PLEKHA1: variants seen among roughly 807,000 people sequenced by gnomAD.
PLEKHA1 encodes the protein pleckstrin homology domain-containing family A member 1.
A neutral mutation model predicts 52.0 loss-of-function variants in PLEKHA1; 34 were observed. The ratio of observed to expected loss-of-function variants is 0.65; its 90% confidence interval spans 0.50 to 0.87. PLEKHA1 has a LOEUF of 0.87. Ranked by LOEUF, PLEKHA1 falls within the 40% of genes least tolerant of loss-of-function variation. The probability of loss-of-function intolerance (pLI) is 0.00; values close to 1 mark genes in which losing one functional copy is unlikely to be tolerated. For synonymous variants in PLEKHA1, 163 were observed against 170.7 expected (o/e 0.95, Z 0.35); for missense variants, 497 against 504.2 (o/e 0.99, Z 0.14).
At chr10:122,427,237 A>G (rs2097352488) in intron 11 of PLEKHA1, among the ~76,000 whole-genome samples, 1 of 152,184 alleles carries the variant, frequency 6.6e-6, no homozygotes, top group South Asian at 2.1e-4. Flanking sequence ...TGTGCATTGT[A>G]TTGTGTTAAA....
rs747635669 is a variant in PLEKHA1, at chr10:122,432,101, A to T, written c.*2163A>T. 3.0e-4 allele frequency: 46 copies of T among 152,288 alleles called. No homozygotes were observed. The highest frequency in any genetic ancestry group is 1.9e-3 in the Admixed American group (29 of 15,300). The allele number at this position is 152,288 out of a possible 1,614,324, so 9.4% of individuals were successfully genotyped here. ...CTAATATTTATCTCAATTCTTTTAT[A>T]AGTCTATGGAAATTATTTAATTATT... On this transcript the variant is annotated 3_prime_UTR_variant, in exon 12 of 12. Transcript: ENST00000368990.
chr10:122,382,267 C>T (rs1289759829), intron 1 of PLEKHA1, among the ~76,000 whole-genome samples: 1 of 152,194 alleles, frequency 6.6e-6, no homozygotes, highest in African/African-American at 2.4e-5. Flanking sequence ...ACCCTCCTAT[C>T]CTTAGACAAC....
At chr10:122,436,993 C>CTTTTTTTTTTTTTTTT, downstream of PLEKHA1, 1 of 84,856 alleles carries the variant, frequency 1.2e-5, no homozygotes, top group Non-Finnish European at 2.1e-5. Context: ...TTACATCAGC[C>CTTTTTTTTTTTTTTTT]TTTTTTTTTT....
chr10:122,425,713 CAA>C lies in PLEKHA1; in HGVS notation c.810+775_810+776del, dbSNP rs11367637. On this transcript the variant is annotated intron_variant, in intron 10 of 11. Coordinates refer to ENST00000368990, the MANE Select transcript of PLEKHA1 (RefSeq NM_001001974.4). ...AGCCTGGGTGACAGAGACCCTGTCTCAAAAAAAAAAAAAAAAAAAAAATCAAA... is the reference window on the plus strand; with the variant it reads ...AGCCTGGGTGACAGAGACCCTGTCTCAAAAAAAAAAAAAAAAAAAATCAAA... The C allele has an allele frequency of 9.4e-3, 938 of 99,262 alleles. 6 individuals carry two copies. Among genetic ancestry groups the C allele is most frequent in the African/African-American group, 0.019 (482 of 25,850 alleles). The allele number at this position is 99,262 out of a possible 1,614,324, so 6.1% of individuals were successfully genotyped here.
At position 122,415,949 on chromosome 10, in the gene PLEKHA1, C is replaced by T. The variant is rs1565275664; in HGVS notation, c.559C>T (p.Pro187Ser). The change falls in exon 7 of 12, where the codon CCT (proline) becomes TCT (serine). Residue 187 changes from proline (P) to serine (S), a missense_variant. Pro to Ser is a moderately conservative substitution (Grantham distance 74). Coordinates refer to ENST00000368990, the MANE Select transcript of PLEKHA1 (RefSeq NM_001001974.4). The part of the protein sequence containing the change: ...SHLPYFTPKP[P>S]QDSAVIKAGY... ...TCTTCCTTACTTTACTCCTAAACCACCTCAAGATAGTGCGGTTATCAAAGC... is the reference window on the plus strand; with the variant it reads ...TCTTCCTTACTTTACTCCTAAACCATCTCAAGATAGTGCGGTTATCAAAGC... 3 of 1,613,608 alleles carry T rather than the reference C, an allele frequency of 1.9e-6. No individual in the cohort carries two copies. The highest frequency in any genetic ancestry group is 2.5e-6 in the Non-Finnish European group (3 of 1,179,744).
intron 9 of PLEKHA1, among the ~76,000 whole-genome samples, chr10:122,424,585 G>A (rs1416921032): frequency 2.6e-5 from 4 of 152,188 alleles, no homozygotes; most frequent in Non-Finnish European, 5.9e-5. Flanking sequence ...ACAAATTGAT[G>A]TATTAAGTGT....
chr10:122,394,125 A>G (rs983329162), intron 2 of PLEKHA1, among the ~76,000 whole-genome samples: 2 of 133,010 alleles, frequency 1.5e-5, no homozygotes, highest in East Asian at 4.4e-4. Flanking sequence ...CCCAGGCTGG[A>G]ATGCAGCGGT....
intron 3 of PLEKHA1, among the ~76,000 whole-genome samples, chr10:122,398,619 G>A (rs529072881): frequency 7.4e-4 from 112 of 151,714 alleles, no homozygotes; most frequent in African/African-American, 2.6e-3. Flanking sequence ...GTGTGTGTGT[G>A]TGCATGTGTG....
intron 1 of PLEKHA1, among the ~76,000 whole-genome samples, chr10:122,378,219 C>T (rs2096564699): frequency 6.6e-6 from 1 of 152,196 alleles, no homozygotes; most frequent in African/African-American, 2.4e-5. Flanking sequence ...ATTTCCATGT[C>T]AGGTGTTCCC....
Position 122,393,461 on chromosome 10 carries a change from C to T in PLEKHA1, c.141+120C>T. ...CAGTATATTTTTAGATTTATTTCTA[C>T]TGGCTGTCCTCTCTGCCCTGCACCC... is the stretch of plus-strand genomic sequence containing the variant. On this transcript the variant is annotated intron_variant, in intron 2 of 11. Transcript: ENST00000368990. This position sits in a 1 kb window ranked among gnomAD's most constrained non-coding sequence, Gnocchi z 4.5. 2.0e-6 allele frequency: 2 copies of T among 990,360 alleles called. No homozygotes were observed. The highest frequency in any genetic ancestry group is 2.8e-5 in the South Asian group (1 of 35,990). 61.3% of individuals were successfully genotyped at this position (990,360 alleles called of 1,614,324 possible).
At position 122,429,494 on chromosome 10, in the gene PLEKHA1, T is replaced by TTGTGTGTGTG. The variant is rs35620141; in HGVS notation, c.901-102_901-93dup. On this transcript the variant is annotated intron_variant, in intron 11 of 11. Coordinates refer to ENST00000368990, the MANE Select transcript of PLEKHA1 (RefSeq NM_001001974.4). ...TGCTGCATGGCTTCTGCTGCTGCCT[T>TTGTGTGTGTG]TGTGTGTGTGTGTGTGTGTGTGTGT... 4.7e-3 allele frequency: 3,070 copies of TTGTGTGTGTG among 655,522 alleles called. 8 individuals carry two copies. Among genetic ancestry groups the TTGTGTGTGTG allele is most frequent in the Middle Eastern group, 0.012 (34 of 2,868 alleles). 40.6% of individuals were successfully genotyped at this position (655,522 alleles called of 1,614,324 possible). A position where few individuals can be genotyped will look rare whatever the true frequency, so the allele number is the denominator to read the frequency against.
chr10:122,435,772 G>A (rs1197684309), downstream of PLEKHA1: 2 of 151,514 alleles, frequency 1.3e-5, no homozygotes, highest in African/African-American at 4.9e-5. Context: ...GTTTCTGTAA[G>A]AAATAATGTA....
At chr10:122,423,799 A>G (rs1565317825) in intron 8 of PLEKHA1, 2 of 165,948 alleles carry the variant, frequency 1.2e-5, no homozygotes, top group Admixed American at 1.3e-4. Context: ...TAAAATCACA[A>G]ATTTAAGTCA....
chr10:122,402,071 A>G (rs2096937466), intron 4 of PLEKHA1, among the ~76,000 whole-genome samples: 1 of 152,210 alleles, frequency 6.6e-6, no homozygotes, highest in African/African-American at 2.4e-5. Context: ...TTGAATGGGT[A>G]TTGCAAGTCA....
At chr10:122,412,850 A>G in intron 5 of PLEKHA1, 70 bp from the exon 6 acceptor site, 6 of 1,534,976 alleles carry the variant, frequency 3.9e-6, no homozygotes, top group Non-Finnish European at 5.4e-6. Flanking sequence ...ATAATTAGAA[A>G]TTCTGCGAGA....
chr10:122,424,761 A>T, intron 9 of PLEKHA1, 135 bp from the exon 10 acceptor site: 1 of 532,602 alleles, frequency 1.9e-6, no homozygotes, highest in Non-Finnish European at 3.1e-6. Flanking sequence ...ATAAATGGGA[A>T]AAGATAATTT....
At chr10:122,406,726 C>A in intron 5 of PLEKHA1, 53 bp downstream of exon 5, 1 of 1,348,538 alleles carries the variant, frequency 7.4e-7, no homozygotes, top group Non-Finnish European at 1.1e-6. Context: ...TTAATCTTTT[C>A]ATTTTGAAAA....
chr10:122,384,037 A>G (rs1046746004), intron 1 of PLEKHA1, among the ~76,000 whole-genome samples: 1 of 152,132 alleles, frequency 6.6e-6, no homozygotes, highest in African/African-American at 2.4e-5. Flanking sequence ...TGTCATTGGC[A>G]ATGGCTACAT....
chr10:122,415,866 A>T lies in PLEKHA1; in HGVS notation c.476A>T (p.Glu159Val), dbSNP rs371548750. Reference protein sequence around the residue: ...VPIITPTQKEEVNECGESIDR... With the variant: ...VPIITPTQKEVVNECGESIDR... Reference sequence around the variant, plus strand: ...TATTTTGCTTCATTTTAGAAAGAAGAAGTAAATGAATGTGGTGAAAGTATT... The same window carrying T: ...TATTTTGCTTCATTTTAGAAAGAAGTAGTAAATGAATGTGGTGAAAGTATT... Residue 159 changes from glutamate (E) to valine (V), a missense_variant, in exon 7 of 12, where the codon GAA (glutamate) becomes GTA (valine). Physicochemically the swap from Glu to Val is moderately radical, Grantham distance 121. Coordinates refer to ENST00000368990, the MANE Select transcript of PLEKHA1 (RefSeq NM_001001974.4). 9.9e-6 allele frequency: 16 copies of T among 1,609,168 alleles called. No individual in the cohort carries two copies. The highest frequency in any genetic ancestry group is 6.7e-5 in the African/African-American group (5 of 74,754).
Sources: allele counts gnomAD v4.1 joint callset (sites outside exome capture counted in the v4.1 genomes callset), GRCh38; gene constraint gnomAD v4.1.1; non-coding constraint Gnocchi (gnomAD v3.1); transcripts MANE v1.5; gene names NCBI Gene and HGNC (gene_info 2026-07-23, HGNC 2026-07-21).